TACC2: variants seen among roughly 807,000 people sequenced by gnomAD.
TACC2 encodes the protein transforming acidic coiled-coil-containing protein 2.
A neutral mutation model predicts 227.3 loss-of-function variants in TACC2; 137 were observed. That is an observed-to-expected ratio of 0.60 (90% CI 0.52 to 0.69). The LOEUF (loss-of-function observed/expected upper bound fraction) is 0.69, where lower values mean the gene tolerates loss of function less well. TACC2 is among the 30% of genes least tolerant of loss of function. The pLI, the probability that TACC2 is intolerant of heterozygous loss-of-function variation, is 0.00. For missense variants in TACC2, 3,470 were observed against 3,694.4 expected, an observed-to-expected ratio of 0.94 and a Z score of 1.57; for synonymous variants, 1,523 against 1,487.5, an observed-to-expected ratio of 1.02 and a Z score of -0.55.
chr10:122,006,220 G>A (rs1331515603), intron 1 of TACC2, among the ~76,000 whole-genome samples: 2 of 151,898 alleles, frequency 1.3e-5, no homozygotes, highest in African/African-American at 2.4e-5. Context: ...AGGCCGAGGT[G>A]GGTGGATCAC....
chr10:122,050,635 C>A lies in TACC2; in HGVS notation c.146+85C>A. 2.7e-6 allele frequency: 3 copies of A among 1,095,310 alleles called. No homozygotes were observed. Among genetic ancestry groups the A allele is most frequent in the Non-Finnish European group, 4.1e-6 (3 of 734,910 alleles). 67.8% of individuals were successfully genotyped at this position (1,095,310 alleles called of 1,614,324 possible). A position where few individuals can be genotyped will look rare whatever the true frequency, so the allele number is the denominator to read the frequency against. On this transcript the variant is annotated intron_variant, in intron 3 of 22. Coordinates refer to ENST00000369005, the MANE Select transcript of TACC2 (RefSeq NM_206862.4). This position sits in a 1 kb window ranked among gnomAD's most constrained non-coding sequence, Gnocchi z 4.6. ...TCCAGCATTAGCTTTGCCCCATTTG[C>A]TTTGGAAACTGGACCCTTAGACACA...
intron 11 of TACC2, among the ~76,000 whole-genome samples, chr10:122,222,777 C>T (rs1168279871): frequency 6.6e-6 from 1 of 152,160 alleles, no homozygotes; most frequent in South Asian, 2.1e-4. Flanking sequence ...GTCTGTTGCT[C>T]GTTTGGTGTG....
chr10:121,991,247 T>A (rs1185490522), intron 1 of TACC2, among the ~76,000 whole-genome samples: 1 of 152,244 alleles, frequency 6.6e-6, no homozygotes, highest in Non-Finnish European at 1.5e-5. Context: ...TGTATATTTT[T>A]ATTTTTATAA....
intron 19 of TACC2, chr10:122,246,887 A>C (rs1254170706): frequency 6.6e-6 from 1 of 152,408 alleles, no homozygotes; most frequent in Non-Finnish European, 1.5e-5. Flanking sequence ...TGCTGCAAAG[A>C]GGAAAATGAA....
At chr10:122,159,438 T>G (rs551128200) in intron 7 of TACC2, among the ~76,000 whole-genome samples, 4 of 152,278 alleles carry the variant, frequency 2.6e-5, no homozygotes, top group Middle Eastern at 3.4e-3. Context: ...GACATGTGGG[T>G]GCTGCATTCA....
At chr10:122,145,407 AC>A (rs35406892) in intron 7 of TACC2, among the ~76,000 whole-genome samples, 64,578 of 151,896 alleles carry the variant, frequency 0.43, 14,345 homozygotes, top group South Asian at 0.51. Context: ...AGTGAGAAAG[AC>A]TGGACTCAAA....
At chr10:122,107,970 CA>C (rs1297493708) in intron 5 of TACC2, among the ~76,000 whole-genome samples, 3 of 145,446 alleles carry the variant, frequency 2.1e-5, no homozygotes, top group African/African-American at 7.6e-5. Flanking sequence ...TGGCTCACTG[CA>C]AGCTCCGCCT....
At position 122,168,548 on chromosome 10, in the gene TACC2, T is replaced by C. The variant is rs775766133; in HGVS notation, c.5834+24842T>C. Among the ~76,000 whole-genome samples the C allele has an allele frequency of 2.7e-4, 41 of 152,152 alleles. 2 individuals carry two copies. The highest frequency in any genetic ancestry group is 7.4e-5 in the Non-Finnish European group (5 of 68,016). ...CTGGGGGACTTGCCTGGAGGCTTTC[T>C]CTTAGGTGGGCTGAAGGCAAATATA... is the stretch of plus-strand genomic sequence containing the variant. On this transcript the variant is annotated intron_variant, in intron 7 of 22. Coordinates refer to ENST00000369005, the MANE Select transcript of TACC2 (RefSeq NM_206862.4).
In TACC2 at chr10:122,088,522, A is replaced by C. The variant is rs2080340251; in HGVS notation, c.5504A>C (p.Lys1835Thr). The C allele has an allele frequency of 6.2e-7, 1 of 1,613,812 alleles. No individual in the cohort carries two copies. Among genetic ancestry groups the C allele is most frequent in the Non-Finnish European group, 8.5e-7 (1 of 1,179,950 alleles). ...CCATCCATGTTACCTTCGGTTCCTA[A>C]GAAGGATGCTCCAAGAGTCATGGAT... is the stretch of plus-strand genomic sequence containing the variant. ...PGPSMLPSVP[K>T]KDAPRVMDKV... Residue 1835 changes from lysine to threonine, a missense_variant, in exon 5 of 23, where the codon AAG (lysine) becomes ACG (threonine). Lys to Thr is a moderately conservative substitution (Grantham distance 78). Transcript: ENST00000369005.
intron 8 of TACC2, among the ~76,000 whole-genome samples, chr10:122,199,474 C>G (rs1277757498): frequency 6.6e-6 from 1 of 152,246 alleles, no homozygotes; most frequent in Non-Finnish European, 1.5e-5. Context: ...CCACGGGAGA[C>G]TTCCTGGCAT....
intron 5 of TACC2, among the ~76,000 whole-genome samples, chr10:122,122,916 AT>A (rs2086125668): frequency 6.6e-6 from 1 of 152,226 alleles, no homozygotes; most frequent in African/African-American, 2.4e-5. Flanking sequence ...ATCACCAAAA[AT>A]AAAATCAGCA....
chr10:122,166,692 C>T (rs2093182903), intron 7 of TACC2, among the ~76,000 whole-genome samples: 1 of 152,224 alleles, frequency 6.6e-6, no homozygotes, highest in Admixed American at 6.5e-5. Flanking sequence ...TTGTAGGCAT[C>T]TCAAAATTTG....
chr10:122,237,279 G>A, intron 16 of TACC2, 116 bp from the exon 17 acceptor site: 1 of 1,002,768 alleles, frequency 1.0e-6, no homozygotes, highest in Non-Finnish European at 1.4e-6. Context: ...TCATACTTTT[G>A]ATGTTCTTTG....
intron 11 of TACC2, 117 bp downstream of exon 11, chr10:122,216,945 A>T (rs1231426799): frequency 1.9e-6 from 3 of 1,573,756 alleles, no homozygotes; most frequent in Non-Finnish European, 2.6e-6. Context: ...CATCATTGTG[A>T]GATCGTCTGC....
intron 16 of TACC2, among the ~76,000 whole-genome samples, chr10:122,234,425 A>G (rs1386169528): frequency 6.6e-6 from 1 of 152,224 alleles, no homozygotes; most frequent in East Asian, 1.9e-4. Flanking sequence ...TGGCCCCTCT[A>G]AAGTAGCAAG....
Position 122,141,203 on chromosome 10 carries a change from A to C in TACC2, c.5700-2369A>C, listed in dbSNP as rs1205720385. ...AGGAGGGTCAGGAGGGAAGAGGAGA[A>C]GTTCTGTTGGGCCCAGGAGGTGTCT... is the stretch of plus-strand genomic sequence containing the variant. On this transcript the variant is annotated intron_variant, in intron 6 of 22. Coordinates refer to ENST00000369005, the MANE Select transcript of TACC2 (RefSeq NM_206862.4). The surrounding 1 kb of genome is among the most constrained non-coding windows in gnomAD (Gnocchi z 4.3). 6.6e-6 allele frequency among the ~76,000 whole-genome samples: 1 copy of C among 151,900 alleles called. No homozygotes were observed. Among genetic ancestry groups the C allele is most frequent in the African/African-American group, 2.4e-5 (1 of 41,332 alleles).
chr10:122,100,687 A>C (rs2082035562), intron 5 of TACC2, among the ~76,000 whole-genome samples: 1 of 152,092 alleles, frequency 6.6e-6, no homozygotes, highest in African/African-American at 2.4e-5. Context: ...CAGCCTCCCA[A>C]AGTGCTGGGA....
rs577728559 is a variant in TACC2 at position 122,084,829 on chromosome 10, G to A, written c.2329G>A (p.Gly777Arg). ...TGCGTCGAGACAGGAATTTCATGCTGGGGTGCCACATCCCCCCCAGGGGGA... is the reference window on the plus strand; with the variant it reads ...TGCGTCGAGACAGGAATTTCATGCTAGGGTGCCACATCCCCCCCAGGGGGA... ...CDASRQEFHA[G>R]VPHPPQGENL... The change falls in exon 4 of 23, where the codon GGG becomes AGG. Residue 777 changes from glycine to arginine, a missense_variant. Around this residue, in one of 10 missense-constraint regions of TACC2, gnomAD observed 1,924 missense variants for 1,978.3 expected, o/e 0.97. Transcript: ENST00000369005. The A allele has an allele frequency of 1.2e-6, 2 of 1,613,752 alleles. No homozygotes were observed. Among genetic ancestry groups the A allele is most frequent in the African/African-American group, 2.7e-5 (2 of 75,040 alleles).
intron 5 of TACC2, among the ~76,000 whole-genome samples, chr10:122,101,904 G>A (rs2082210275): frequency 6.6e-6 from 1 of 151,588 alleles, no homozygotes. Context: ...AAAGAAAAAA[G>A]AAAAAGGCAG....
Sources: allele counts gnomAD v4.1 joint callset (sites outside exome capture counted in the v4.1 genomes callset), GRCh38; gene constraint gnomAD v4.1.1; regional missense constraint gnomAD v4.1.1; non-coding constraint Gnocchi (gnomAD v3.1); transcripts MANE v1.5; gene names NCBI Gene and HGNC (gene_info 2026-07-23, HGNC 2026-07-21).